NTNG1: variants seen among roughly 807,000 people sequenced by gnomAD.
NTNG1 encodes netrin-G1.
A neutral mutation model predicts 54.0 loss-of-function variants in NTNG1; 16 were observed. The observed-to-expected ratio is 0.30, with a 90% CI of 0.20 to 0.45. NTNG1 has a LOEUF of 0.45. Among genes scored for constraint, NTNG1 ranks in the 20% least tolerant of loss-of-function variants. The pLI, the probability that NTNG1 is intolerant of heterozygous loss-of-function variation, is 1.00. For missense variants in NTNG1, 530 were observed against 678.7 expected (o/e 0.78, Z 2.43); for synonymous variants, 255 against 263.1 (o/e 0.97, Z 0.30).
chr1:107,346,474 TA>T (rs1669244446), intron 3 of NTNG1, among the ~76,000 whole-genome samples: 2 of 152,178 alleles, frequency 1.3e-5, no homozygotes, highest in African/African-American at 4.8e-5. Flanking sequence ...GATGGCAGCT[TA>T]ACTACATAGG....
intron 7 of NTNG1, among the ~76,000 whole-genome samples, chr1:107,460,777 A>T (rs1450637421): frequency 6.6e-6 from 1 of 152,178 alleles, no homozygotes; most frequent in Non-Finnish European, 1.5e-5. Flanking sequence ...CCAAGTGCAT[A>T]ATATTCCCCT....
rs1665034754 is a variant in NTNG1, at chr1:107,284,017, G to GTTA, written c.247-40263_247-40261dup. On this transcript the variant is annotated intron_variant, in intron 2 of 7. Transcript: ENST00000370068. Reference sequence around the variant, plus strand: ...TCTTACTTGATAATCTCAGGCAAATGTTATCTTCCCTTCTTTGGAGCATTC... The same window carrying GTTA: ...TCTTACTTGATAATCTCAGGCAAATGTTATTATCTTCCCTTCTTTGGAGCATTC... Among the ~76,000 whole-genome samples the GTTA allele has an allele frequency of 2.0e-5, 3 of 152,108 alleles. No individual in the cohort carries two copies. The South Asian group carries it at 6.2e-4, about 31-fold the overall frequency.
At chr1:107,170,935 G>C (rs2101090297) in intron 2 of NTNG1, among the ~76,000 whole-genome samples, 1 of 151,888 alleles carries the variant, frequency 6.6e-6, no homozygotes, top group Middle Eastern at 3.4e-3. Context: ...CTTAATAATG[G>C]GACCATCAAT....
intron 7 of NTNG1, among the ~76,000 whole-genome samples, chr1:107,440,378 CAGGG>C (rs1675893154): frequency 6.6e-6 from 1 of 152,084 alleles, no homozygotes; most frequent in Admixed American, 6.6e-5. Context: ...TCGTAGAGAC[CAGGG>C]TCTGAATCCC....
intron 2 of NTNG1, among the ~76,000 whole-genome samples, chr1:107,277,173 G>T (rs1010354535): frequency 1.3e-5 from 2 of 152,202 alleles, no homozygotes; most frequent in African/African-American, 4.8e-5. Flanking sequence ...TATCTCTCAG[G>T]AAGTGGCTGC....
chr1:107,389,733 C>T (rs1485169806), intron 3 of NTNG1, among the ~76,000 whole-genome samples: 1 of 152,202 alleles, frequency 6.6e-6, no homozygotes, highest in Non-Finnish European at 1.5e-5. Context: ...GTTCTATCTG[C>T]AGTGCTTAGG....
chr1:107,421,778 G>A (rs1674589068), intron 5 of NTNG1, among the ~76,000 whole-genome samples: 1 of 152,062 alleles, frequency 6.6e-6, no homozygotes, highest in Non-Finnish European at 1.5e-5. Flanking sequence ...CAGGAAACAT[G>A]AAGACTTCTG....
chr1:107,311,942 C>G (rs1471829952), intron 2 of NTNG1, among the ~76,000 whole-genome samples: 1 of 152,106 alleles, frequency 6.6e-6, no homozygotes, highest in East Asian at 1.9e-4. Flanking sequence ...CTTGCAGAGG[C>G]TATTCTTGAA....
chr1:107,167,734 A>T (rs1047719747), intron 2 of NTNG1, among the ~76,000 whole-genome samples: 1 of 152,040 alleles, frequency 6.6e-6, no homozygotes, highest in Non-Finnish European at 1.5e-5. Flanking sequence ...ACATGTATTA[A>T]TATAATATTT....
At chr1:107,149,146 A>G (rs1467359457) in intron 2 of NTNG1, among the ~76,000 whole-genome samples, 1 of 152,194 alleles carries the variant, frequency 6.6e-6, no homozygotes, top group African/African-American at 2.4e-5. Flanking sequence ...TAAATTTTAG[A>G]TTGGAGGTTG....
chr1:107,242,174 G>T (rs566424954), intron 2 of NTNG1, among the ~76,000 whole-genome samples: 46 of 152,210 alleles, frequency 3.0e-4, no homozygotes, highest in South Asian at 6.2e-4. Context: ...CTTGGAGGAG[G>T]GGGGGTGAGG....
intron 2 of NTNG1, among the ~76,000 whole-genome samples, chr1:107,244,930 G>T (rs1662093575): frequency 6.6e-6 from 1 of 152,216 alleles, no homozygotes; most frequent in African/African-American, 2.4e-5. Flanking sequence ...TCTGGTGTCA[G>T]CGCAGTTCAC....
Position 107,483,328 on chromosome 1 carries a change from G to A in NTNG1, c.*2488G>A, listed in dbSNP as rs1678839518. 1 of 152,160 alleles carries A rather than the reference G, an allele frequency of 6.6e-6. No individual in the cohort carries two copies. Among genetic ancestry groups the A allele is most frequent in the Admixed American group, 6.5e-5 (1 of 15,276 alleles). 9.4% of individuals were successfully genotyped at this position (152,160 alleles called of 1,614,324 possible). A position where few individuals can be genotyped will look rare whatever the true frequency, so the allele number is the denominator to read the frequency against. On this transcript the variant is annotated 3_prime_UTR_variant, in exon 8 of 8. Coordinates refer to ENST00000370068, the MANE Select transcript of NTNG1 (RefSeq NM_001113226.3). ...AGGCCTGATTTAAACTGATTCATCTGCATTTTATCTTTATGAGGCCATAAG... is the reference window on the plus strand; with the variant it reads ...AGGCCTGATTTAAACTGATTCATCTACATTTTATCTTTATGAGGCCATAAG...
At chr1:107,318,651 A>G (rs1000833403) in intron 2 of NTNG1, among the ~76,000 whole-genome samples, 1 of 152,118 alleles carries the variant, frequency 6.6e-6, no homozygotes, top group Non-Finnish European at 1.5e-5. Context: ...TACATTTGTG[A>G]GTGGAAAACA....
rs776653023 is a variant in NTNG1 at position 107,354,242 on chromosome 1, G to T, written c.887+29320G>T. Among the ~76,000 whole-genome samples the T allele has an allele frequency of 4.3e-4, 66 of 151,964 alleles. 2 individuals are homozygous for T. The East Asian group carries it at 0.011, about 25-fold the overall frequency. ...TCCCAGCACTTTGGGAGGCTGAAGC[G>T]GGCAGATCATGAGGTCAAGAGTTCA... On this transcript the variant is annotated intron_variant, in intron 3 of 7. Coordinates refer to ENST00000370068, the MANE Select transcript of NTNG1 (RefSeq NM_001113226.3).
At chr1:107,284,789 G>C (rs753239708) in intron 2 of NTNG1, among the ~76,000 whole-genome samples, 15 of 151,952 alleles carry the variant, frequency 9.9e-5, no homozygotes, top group Non-Finnish European at 2.1e-4. Flanking sequence ...CATATTCCAA[G>C]TTTACTTTAG....
At chr1:107,368,801 C>A (rs531774234) in intron 3 of NTNG1, among the ~76,000 whole-genome samples, 1 of 152,206 alleles carries the variant, frequency 6.6e-6, no homozygotes, top group South Asian at 2.1e-4. Flanking sequence ...AACACTAAGA[C>A]CTTGTCTTTA....
chr1:107,259,197 T>A (rs1663133469), intron 2 of NTNG1, among the ~76,000 whole-genome samples: 1 of 152,192 alleles, frequency 6.6e-6, no homozygotes, highest in African/African-American at 2.4e-5. Flanking sequence ...TGTGCTATGT[T>A]TTTTTCCAGT....
At chr1:107,437,452 G>A (rs1258671384) in intron 7 of NTNG1, among the ~76,000 whole-genome samples, 1 of 152,126 alleles carries the variant, frequency 6.6e-6, no homozygotes, top group Admixed American at 6.5e-5. Context: ...GTGTGTACAA[G>A]GAACATGAAT....
Sources: gnomAD v4.1 joint callset for allele counts (sites outside exome capture counted in the v4.1 genomes callset) on GRCh38, gnomAD v4.1.1 for gene constraint, MANE v1.5 for transcripts, NCBI Gene and HGNC (gene_info 2026-07-23, HGNC 2026-07-21) for gene names.